LRRC7: variants seen among roughly 807,000 people sequenced by gnomAD.
LRRC7 encodes the protein leucine-rich repeat-containing protein 7.
LRRC7 carries 23 observed loss-of-function variants against 175.7 expected under a neutral mutation model. The observed-to-expected ratio is 0.13, with a 90% CI of 0.09 to 0.19. The LOEUF (loss-of-function observed/expected upper bound fraction) is 0.19. LRRC7 is among the 10% of genes least tolerant of loss of function. The pLI, the probability that LRRC7 is intolerant of heterozygous loss-of-function variation, is 1.00. For missense variants in LRRC7, 1,354 were observed against 1,904.7 expected, an observed-to-expected ratio of 0.71 and a Z score of 5.38; for synonymous variants, 685 against 680.9, an observed-to-expected ratio of 1.01 and a Z score of -0.09.
intron 8 of LRRC7, among the ~76,000 whole-genome samples, chr1:69,931,926 A>G (rs1647425623): frequency 6.6e-6 from 1 of 152,204 alleles, no homozygotes; most frequent in Admixed American, 6.5e-5. Context: ...GATTAAACCC[A>G]GACTTGATTA....
intron 16 of LRRC7, among the ~76,000 whole-genome samples, chr1:70,021,543 T>G (rs1657503128): frequency 6.6e-6 from 1 of 152,182 alleles, no homozygotes; most frequent in Non-Finnish European, 1.5e-5. Context: ...GCCAACAGAT[T>G]AATATGTTAC....
At position 69,667,572 on chromosome 1, in the gene LRRC7, C is replaced by A. The variant is rs1276313122; in HGVS notation, c.3-10809C>A. Among the ~76,000 whole-genome samples, 3 of 152,080 alleles carry A rather than the reference C, an allele frequency of 2.0e-5. No individual in the cohort carries two copies. In the East Asian group the frequency reaches 5.8e-4, roughly 29 times the overall value. ...CATTATATAGTGACTTTTGTCTATT[C>A]TTATACTATTCATCCTGAAATATAT... On this transcript the variant is annotated intron_variant, in intron 1 of 26. Coordinates refer to ENST00000651989, the MANE Select transcript of LRRC7 (RefSeq NM_001370785.2).
intron 7 of LRRC7, among the ~76,000 whole-genome samples, chr1:69,919,038 T>C (rs1171647747): frequency 2.0e-5 from 3 of 152,162 alleles, no homozygotes; most frequent in South Asian, 4.1e-4. Flanking sequence ...AGAGGTGGCA[T>C]AGAGTGTACC....
rs555111893 is a variant in LRRC7, at chr1:70,037,739, T to C, written c.2289-374T>C. Among the ~76,000 whole-genome samples the C allele has an allele frequency of 3.3e-5, 5 of 152,326 alleles. No individual in the cohort carries two copies. The East Asian group carries it at 5.8e-4, about 18-fold the overall frequency. On this transcript the variant is annotated intron_variant, in intron 20 of 26. Coordinates refer to ENST00000651989, the MANE Select transcript of LRRC7 (RefSeq NM_001370785.2). ...ACTTAAGAACTACATATTTCCTTCA[T>C]TGATTCCTTCAACAAATGTGTATTT... is the stretch of plus-strand genomic sequence containing the variant.
rs560230724 is a variant in LRRC7 at position 70,126,041 on chromosome 1, T to G, written c.*4154T>G. 6.6e-6 allele frequency among the ~76,000 whole-genome samples: 1 copy of G among 152,284 alleles called. No homozygotes were observed. Among genetic ancestry groups the G allele is most frequent in the South Asian group, 2.1e-4 (1 of 4,826 alleles). ...GTGCTTGCCACCTTGTCTTTCCGTT[T>G]AGTATGTTTACTAACTGTTAAGGAC... On this transcript the variant is annotated 3_prime_UTR_variant, in exon 27 of 27. Transcript: ENST00000651989.
intron 16 of LRRC7, chr1:70,021,410 G>A: frequency 3.9e-6 from 1 of 254,630 alleles, no homozygotes; most frequent in Non-Finnish European, 7.7e-6. Flanking sequence ...AAATCTGTGT[G>A]ATAGACTTCA....
At chr1:69,925,941 G>A (rs996632616) in intron 7 of LRRC7, among the ~76,000 whole-genome samples, 4 of 148,640 alleles carry the variant, frequency 2.7e-5, no homozygotes, top group African/African-American at 7.3e-5. Context: ...GGCATTTAGT[G>A]CTATAAATTT....
intron 2 of LRRC7, among the ~76,000 whole-genome samples, chr1:69,742,450 CAT>C (rs146938935): frequency 0.078 from 11,798 of 151,628 alleles, 565 homozygotes; most frequent in Middle Eastern, 0.14. Flanking sequence ...TTTATATAAT[CAT>C]ATATTTTATA....
chr1:69,673,056 T>C (rs961273297), intron 1 of LRRC7, among the ~76,000 whole-genome samples: 4 of 152,220 alleles, frequency 2.6e-5, no homozygotes, highest in African/African-American at 9.6e-5. Context: ...TGGACTTGTC[T>C]TCCCTACAAT....
chr1:69,911,616 GT>G (rs1570619243), intron 7 of LRRC7, among the ~76,000 whole-genome samples: 1 of 152,172 alleles, frequency 6.6e-6, no homozygotes, highest in African/African-American at 2.4e-5. Flanking sequence ...TCCTGTCCCA[GT>G]GGCCAGAACT....
chr1:70,071,173 G>C (rs1590724), intron 23 of LRRC7, among the ~76,000 whole-genome samples: 1 of 152,120 alleles, frequency 6.6e-6, no homozygotes, highest in Admixed American at 6.5e-5. Context: ...TGGTTAGAGA[G>C]AGTAGGCTTT....
chr1:69,971,785 T>C (rs1170128007), intron 8 of LRRC7, among the ~76,000 whole-genome samples: 1 of 152,082 alleles, frequency 6.6e-6, no homozygotes, highest in Non-Finnish European at 1.5e-5. Context: ...AAAATTCATA[T>C]GGAACCAAGA....
At chr1:69,939,512 A>C (rs1424814117) in intron 8 of LRRC7, among the ~76,000 whole-genome samples, 1 of 152,102 alleles carries the variant, frequency 6.6e-6, no homozygotes, top group East Asian at 1.9e-4. Context: ...CAGGACACTC[A>C]ATTGTTAGAG....
At chr1:69,916,305 A>G (rs1265293497) in intron 7 of LRRC7, among the ~76,000 whole-genome samples, 2 of 138,514 alleles carry the variant, frequency 1.4e-5, no homozygotes, top group African/African-American at 5.3e-5. Flanking sequence ...ATATAAAACT[A>G]TATATATATA....
At chr1:70,070,326 C>T (rs1004441671) in intron 23 of LRRC7, among the ~76,000 whole-genome samples, 17 of 152,026 alleles carry the variant, frequency 1.1e-4, no homozygotes, top group African/African-American at 3.9e-4. Flanking sequence ...TCTTTGCTGA[C>T]GATTTCTAGT....
intron 15 of LRRC7, 134 bp from the exon 16 acceptor site, chr1:70,020,869 CTT>C (rs997634414): frequency 4.4e-5 from 27 of 612,392 alleles, no homozygotes; most frequent in Middle Eastern, 3.7e-4. Context: ...CCTTCTTTCT[CTT>C]TCTTTTTTTC....
intron 6 of LRRC7, among the ~76,000 whole-genome samples, chr1:69,836,765 T>C (rs1681156848): frequency 6.6e-6 from 1 of 151,798 alleles, no homozygotes; most frequent in Admixed American, 6.6e-5. Flanking sequence ...TGCAAATGTT[T>C]AAGAAATCTC....
chr1:69,697,016 A>C (rs1312903244), intron 2 of LRRC7, among the ~76,000 whole-genome samples: 3 of 152,182 alleles, frequency 2.0e-5, no homozygotes, highest in Non-Finnish European at 2.9e-5. Flanking sequence ...TTCCTTTTTA[A>C]GATCAATCAG....
At chr1:69,846,734 T>A (rs865941236) in intron 7 of LRRC7, among the ~76,000 whole-genome samples, 17 of 152,144 alleles carry the variant, frequency 1.1e-4, no homozygotes, top group Middle Eastern at 3.4e-3. Flanking sequence ...TAAGAGTTGA[T>A]GAAAATAAGG....
Sources: allele counts gnomAD v4.1 joint callset (sites outside exome capture counted in the v4.1 genomes callset), GRCh38; gene constraint gnomAD v4.1.1; transcripts MANE v1.5; gene names NCBI Gene and HGNC (gene_info 2026-07-23, HGNC 2026-07-21).